UMAD1: variants seen among roughly 807,000 people sequenced by gnomAD.
UMAD1 encodes the protein UBAP1-MVB12-associated (UMA)-domain containing protein 1.
A neutral mutation model predicts 6.1 loss-of-function variants in UMAD1; 8 were observed. The observed-to-expected ratio is 1.30, with a 90% CI of 0.76 to 2.35. The LOEUF is 2.35. Among genes scored for constraint, UMAD1 ranks in the 30% most tolerant of loss-of-function variants. The pLI, the probability that UMAD1 is intolerant of heterozygous loss-of-function variation, is 0.00. For synonymous variants in UMAD1, 56 were observed against 31.4 expected (o/e 1.78, Z -2.61); for missense variants, 130 against 78.4 (o/e 1.66, Z -2.49).
chr7:7,825,029 G>A (rs1783313274), intron 3 of UMAD1, among the ~76,000 whole-genome samples: 1 of 152,102 alleles, frequency 6.6e-6, no homozygotes, highest in South Asian at 2.1e-4. Flanking sequence ...AGAGGTGTAA[G>A]TTTGCCTTTG....
intron 2 of UMAD1, among the ~76,000 whole-genome samples, chr7:7,790,548 G>A (rs1425102027): frequency 6.6e-6 from 1 of 152,172 alleles, no homozygotes; most frequent in African/African-American, 2.4e-5. Context: ...CACTATTGCT[G>A]TGTCTGCTTC....
chr7:7,845,324 A>G (rs1016024654), intron 3 of UMAD1, among the ~76,000 whole-genome samples: 18 of 152,022 alleles, frequency 1.2e-4, no homozygotes, highest in African/African-American at 4.1e-4. Context: ...TGTAGTTCTT[A>G]TTAATTTCTA....
At chr7:7,668,827 G>A (rs1432752546) in intron 1 of UMAD1, among the ~76,000 whole-genome samples, 2 of 152,170 alleles carry the variant, frequency 1.3e-5, no homozygotes, top group Non-Finnish European at 1.5e-5. Context: ...CAGCTGGCCA[G>A]AGGCTCTTCT....
At chr7:7,644,388 T>A (rs1785049134) in intron 1 of UMAD1, among the ~76,000 whole-genome samples, 1 of 151,370 alleles carries the variant, frequency 6.6e-6, no homozygotes, top group African/African-American at 2.4e-5. Context: ...CCTCTTTTAA[T>A]ATAGTTAAAC....
chr7:7,695,788 GTTCT>G (rs1427603100), intron 2 of UMAD1, among the ~76,000 whole-genome samples: 1 of 151,964 alleles, frequency 6.6e-6, no homozygotes, highest in East Asian at 1.9e-4. Flanking sequence ...TCACCTTTAG[GTTCT>G]TTATTTTTCT....
At chr7:7,841,314 C>CTTTT (rs35468754) in intron 3 of UMAD1, among the ~76,000 whole-genome samples, 2,035 of 136,718 alleles carry the variant, frequency 0.015, 37 homozygotes, top group Admixed American at 0.036. Flanking sequence ...AACAAGTGAT[C>CTTTT]TTTTTTTTTT....
chr7:7,681,572 C>G lies in UMAD1; in HGVS notation c.82+8119C>G, dbSNP rs548310202. 1.1e-4 allele frequency among the ~76,000 whole-genome samples: 16 copies of G among 152,222 alleles called. No individual in the cohort carries two copies. In the South Asian group the frequency reaches 3.1e-3, roughly 30 times the overall value. Reference sequence around the variant, plus strand: ...TTCCCTTGTAACCAGTTCCTATTCACGTAAGAAGGTAATAGCTATTCCTTC... The same window carrying G: ...TTCCCTTGTAACCAGTTCCTATTCAGGTAAGAAGGTAATAGCTATTCCTTC... On this transcript the variant is annotated intron_variant, in intron 2 of 3. Transcript: ENST00000682710.
At chr7:7,714,943 AAACAAC>A (rs920648661) in intron 2 of UMAD1, among the ~76,000 whole-genome samples, 51 of 151,530 alleles carry the variant, frequency 3.4e-4, no homozygotes, top group African/African-American at 9.9e-4. Flanking sequence ...CACTAGAATT[AAACAAC>A]AACAACAACA....
At chr7:7,714,192 A>T (rs28912682) in intron 2 of UMAD1, among the ~76,000 whole-genome samples, 1 of 152,208 alleles carries the variant, frequency 6.6e-6, no homozygotes, top group Admixed American at 6.5e-5. Flanking sequence ...CCTTTTCTCA[A>T]AGAAAAGCAT....
At chr7:7,860,496 T>TA in intron 3 of UMAD1, among the ~76,000 whole-genome samples, 1 of 151,146 alleles carries the variant, frequency 6.6e-6, no homozygotes, top group Middle Eastern at 3.4e-3. Context: ...CGTGGTGGCT[T>TA]ATGCTTGTAA....
At chr7:7,748,750 T>C (rs1219465761) in intron 2 of UMAD1, among the ~76,000 whole-genome samples, 1 of 151,758 alleles carries the variant, frequency 6.6e-6, no homozygotes, top group East Asian at 1.9e-4. Flanking sequence ...AGTATATGTG[T>C]ATATTTATAT....
chr7:7,857,003 G>A (rs551097878), intron 3 of UMAD1, among the ~76,000 whole-genome samples: 40 of 152,146 alleles, frequency 2.6e-4, no homozygotes, highest in Non-Finnish European at 4.9e-4. Context: ...ATGATCCCAG[G>A]TATTTTCAAT....
At position 7,875,464 on chromosome 7, in the gene UMAD1, G is replaced by A. The variant is rs1330804179; in HGVS notation, c.157-1817G>A. Among the ~76,000 whole-genome samples the A allele has an allele frequency of 4.6e-5, 7 of 152,146 alleles. No individual in the cohort carries two copies. The East Asian group carries it at 1.3e-3, about 29-fold the overall frequency. On this transcript the variant is annotated intron_variant, in intron 3 of 3. Transcript: ENST00000682710. ...TTAACCAGACTAGTAAAGATGAAAA[G>A]AGAGAAGAATCAAATAGACACAATA... is the stretch of plus-strand genomic sequence containing the variant.
chr7:7,713,217 A>T (rs1780811170), intron 2 of UMAD1, among the ~76,000 whole-genome samples: 1 of 151,702 alleles, frequency 6.6e-6, no homozygotes, highest in South Asian at 2.1e-4. Flanking sequence ...GGTGGCGTGC[A>T]CCTGTAGTCC....
chr7:7,805,941 C>T (rs1782904817), intron 3 of UMAD1, among the ~76,000 whole-genome samples: 1 of 152,178 alleles, frequency 6.6e-6, no homozygotes, highest in Non-Finnish European at 1.5e-5. Flanking sequence ...AGAATGAAAA[C>T]AAACTTTGTA....
At chr7:7,713,683 A>G (rs1047029940) in intron 2 of UMAD1, among the ~76,000 whole-genome samples, 1 of 151,804 alleles carries the variant, frequency 6.6e-6, no homozygotes, top group African/African-American at 2.4e-5. Flanking sequence ...TTGTCCTTGG[A>G]TCATCATTTT....
At chr7:7,666,088 C>A (rs1406014116) in intron 1 of UMAD1, among the ~76,000 whole-genome samples, 1 of 152,156 alleles carries the variant, frequency 6.6e-6, no homozygotes, top group Non-Finnish European at 1.5e-5. Flanking sequence ...AAACTGTTGT[C>A]CACAGTGGCT....
chr7:7,675,777 A>G (rs1779724232), intron 2 of UMAD1, among the ~76,000 whole-genome samples: 1 of 152,182 alleles, frequency 6.6e-6, no homozygotes, highest in Non-Finnish European at 1.5e-5. Flanking sequence ...TCGTAGTTCC[A>G]GGATAGCAGT....
chr7:7,838,450 G>C (rs1783612542), intron 3 of UMAD1, among the ~76,000 whole-genome samples: 1 of 152,174 alleles, frequency 6.6e-6, no homozygotes, highest in Admixed American at 6.5e-5. Context: ...CAGGACCATA[G>C]AGCAAATATC....
Sources: gnomAD v4.1 joint callset for allele counts (sites outside exome capture counted in the v4.1 genomes callset) on GRCh38, gnomAD v4.1.1 for gene constraint, MANE v1.5 for transcripts, NCBI Gene and HGNC (gene_info 2026-07-23, HGNC 2026-07-21) for gene names.